NEMP2: variants seen among roughly 807,000 people sequenced by gnomAD.
The protein encoded by NEMP2 is nuclear envelope integral membrane protein 2.
Under a neutral mutation model 54.2 loss-of-function variants are expected in NEMP2, and 53 were observed. The ratio of observed to expected loss-of-function variants is 0.98; its 90% CI spans 0.78 to 1.23. NEMP2 has a LOEUF of 1.23. NEMP2 is among the 50% of genes most tolerant of loss of function. NEMP2 has a pLI of 0.00. For synonymous variants in NEMP2, 197 were observed against 190.3 expected (o/e 1.04, Z -0.29); for missense variants, 455 against 511.3 (o/e 0.89, Z 1.06).
intron 7 of NEMP2, among the ~76,000 whole-genome samples, chr2:190,511,765 A>G (rs749215300): frequency 6.6e-6 from 1 of 151,216 alleles, no homozygotes; most frequent in Non-Finnish European, 1.5e-5. Context: ...CATGTTGGTC[A>G]GGCTGGTCTC....
At position 190,534,543 on chromosome 2, in the gene NEMP2, G is replaced by C; in HGVS notation, c.97+16C>G. 1 of 1,390,748 alleles carries C rather than the reference G, an allele frequency of 7.2e-7. No individual in the cohort carries two copies. The highest frequency in any genetic ancestry group is 9.3e-7 in the Non-Finnish European group (1 of 1,077,580). The allele number at this position is 1,390,748 out of a possible 1,614,324, so 86.2% of individuals were successfully genotyped here. ...GAGCACGCACGCGCGCGCCGCCGCC[G>C]CCGGTCCCGGGTTACCTGATAACGC... On this transcript the variant is annotated intron_variant, in intron 1 of 8. Coordinates refer to ENST00000409150, the MANE Select transcript of NEMP2 (RefSeq NM_001142645.2).
chr2:190,629,622 G>C, the NEMP2 span: 1 of 152,268 alleles, frequency 6.6e-6, no homozygotes, highest in African/African-American at 2.4e-5. Context: ...CTGAAGCCTA[G>C]AGCAGCAGAC....
the NEMP2 span, chr2:190,469,719 C>G: frequency 8.5e-7 from 1 of 1,179,008 alleles, no homozygotes; most frequent in Non-Finnish European, 1.1e-6. The surrounding 1 kb of genome is among the most constrained non-coding windows in gnomAD (Gnocchi z 5.3). Flanking sequence ...TTTTCCTTTG[C>G]TTTTTTTTAT....
chr2:190,590,800 T>C, the NEMP2 span, among the ~76,000 whole-genome samples: 49 of 152,318 alleles, frequency 3.2e-4, no homozygotes, highest in African/African-American at 1.1e-3. This position sits in a 1 kb window ranked among gnomAD's most constrained non-coding sequence, Gnocchi z 5.1. Flanking sequence ...CCTTTTGTCT[T>C]AACCAGATTC....
At chr2:190,597,277 G>T in the NEMP2 span, among the ~76,000 whole-genome samples, 6 of 141,098 alleles carry the variant, frequency 4.3e-5, no homozygotes, top group Non-Finnish European at 7.8e-5. This position sits in a 1 kb window ranked among gnomAD's most constrained non-coding sequence, Gnocchi z 4.7. Context: ...AAAAAAAAAA[G>T]CTTTCTAATT....
At chr2:190,471,526 G>A in the NEMP2 span, among the ~76,000 whole-genome samples, 45 of 152,312 alleles carry the variant, frequency 3.0e-4, no homozygotes, top group Non-Finnish European at 5.6e-4. This position sits in a 1 kb window ranked among gnomAD's most constrained non-coding sequence, Gnocchi z 4.7. Context: ...ACTGCAAGGC[G>A]GCAGTGAGGC....
the NEMP2 span, among the ~76,000 whole-genome samples, chr2:190,473,274 T>G: frequency 6.6e-6 from 1 of 152,294 alleles, no homozygotes; most frequent in South Asian, 2.1e-4. Flanking sequence ...ATGCTCCAAT[T>G]AAAAGACACA....
chr2:190,584,766 C>G, the NEMP2 span, among the ~76,000 whole-genome samples: 1 of 151,986 alleles, frequency 6.6e-6, no homozygotes, highest in African/African-American at 2.4e-5. The surrounding 1 kb of genome is among the most constrained non-coding windows in gnomAD (Gnocchi z 4.2). Flanking sequence ...GTCTCAGCTA[C>G]TTGGGAGGCT....
At chr2:190,497,756 C>A in the NEMP2 span, 1 of 1,579,680 alleles carries the variant, frequency 6.3e-7, no homozygotes, top group South Asian at 1.1e-5. This position sits in a 1 kb window ranked among gnomAD's most constrained non-coding sequence, Gnocchi z 5.2. Context: ...TATTACCTGT[C>A]ACTCAAGATA....
the NEMP2 span, among the ~76,000 whole-genome samples, chr2:190,424,599 G>T: frequency 6.6e-6 from 1 of 152,162 alleles, no homozygotes; most frequent in Non-Finnish European, 1.5e-5. The surrounding 1 kb of genome is among the most constrained non-coding windows in gnomAD (Gnocchi z 5.9). Context: ...CCACCAAAGT[G>T]CTGGGATTAC....
At chr2:190,498,086 A>G in the NEMP2 span, 2 of 182,634 alleles carry the variant, frequency 1.1e-5, no homozygotes, top group South Asian at 2.4e-4. This position sits in a 1 kb window ranked among gnomAD's most constrained non-coding sequence, Gnocchi z 5.9. Context: ...TAGGACCACA[A>G]TAAATATTTG....
At position 190,510,638 on chromosome 2, in the gene NEMP2, T is replaced by C; in HGVS notation, c.954-101A>G. 2.5e-6 allele frequency: 3 copies of C among 1,178,824 alleles called. No individual in the cohort carries two copies. Among genetic ancestry groups the C allele is most frequent in the Non-Finnish European group, 3.6e-6 (3 of 829,456 alleles). The allele number at this position is 1,178,824 out of a possible 1,614,324, so 73.0% of individuals were successfully genotyped here. ...TGGCTCACGCCTGTAATCCAGCATT[T>C]TGGGAGGCCTGGGGAGGCGGATCAC... On this transcript the variant is annotated intron_variant, in intron 7 of 8. Transcript: ENST00000409150. This position sits in a 1 kb window ranked among gnomAD's most constrained non-coding sequence, Gnocchi z 5.7.
the NEMP2 span, among the ~76,000 whole-genome samples, chr2:190,447,575 C>T: frequency 6.6e-6 from 1 of 152,166 alleles, no homozygotes; most frequent in Admixed American, 6.5e-5. The surrounding 1 kb of genome is among the most constrained non-coding windows in gnomAD (Gnocchi z 4.5). Flanking sequence ...TTATATACTT[C>T]TTAGTGCCAC....
rs1690424216 is a variant in NEMP2, at chr2:190,513,040, C to T, written c.953+1413G>A. 6.6e-6 allele frequency among the ~76,000 whole-genome samples: 1 copy of T among 152,080 alleles called. No individual in the cohort carries two copies. The highest frequency in any genetic ancestry group is 6.5e-5 in the Admixed American group (1 of 15,270). ...TTGGTCTCATGGTCCTACCCTAGGC[C>T]CTCATCAGCTCTCGCCTGGACCACT... On this transcript the variant is annotated intron_variant, in intron 7 of 8. Coordinates refer to ENST00000409150, the MANE Select transcript of NEMP2 (RefSeq NM_001142645.2). This position sits in a 1 kb window ranked among gnomAD's most constrained non-coding sequence, Gnocchi z 5.3.
the NEMP2 span, chr2:190,436,600 A>G: frequency 5.6e-6 from 9 of 1,614,210 alleles, no homozygotes; most frequent in Middle Eastern, 1.6e-4. This position sits in a 1 kb window ranked among gnomAD's most constrained non-coding sequence, Gnocchi z 5.3. Flanking sequence ...TTTCCTCACC[A>G]TATCACCAAA....
chr2:190,503,570 T>C (rs1401450171), downstream of NEMP2, among the ~76,000 whole-genome samples: 2 of 152,178 alleles, frequency 1.3e-5, no homozygotes, highest in Non-Finnish European at 2.9e-5. The surrounding 1 kb of genome is among the most constrained non-coding windows in gnomAD (Gnocchi z 6.3). Flanking sequence ...TAAGGTTATG[T>C]TGATTCTATG....
the NEMP2 span, among the ~76,000 whole-genome samples, chr2:190,572,875 A>ATTTTATCTTT: frequency 7.9e-6 from 1 of 126,328 alleles, no homozygotes; most frequent in Non-Finnish European, 1.7e-5. Context: ...ATATATATAT[A>ATTTTATCTTT]TGTATATATT....
At chr2:190,546,075 C>G in the NEMP2 span, among the ~76,000 whole-genome samples, 1 of 152,102 alleles carries the variant, frequency 6.6e-6, no homozygotes, top group Non-Finnish European at 1.5e-5. This position sits in a 1 kb window ranked among gnomAD's most constrained non-coding sequence, Gnocchi z 5.1. Context: ...GTTTCTATAA[C>G]AAAATCACAA....
Position 190,531,388 on chromosome 2 carries a change from G to A in NEMP2, c.97+3171C>T, listed in dbSNP as rs759531110. On this transcript the variant is annotated intron_variant, in intron 1 of 8. Coordinates refer to ENST00000409150, the MANE Select transcript of NEMP2 (RefSeq NM_001142645.2). The surrounding 1 kb of genome is among the most constrained non-coding windows in gnomAD (Gnocchi z 4.7). The stretch of plus-strand genomic sequence containing the variant: ...CAACCCTGAATGCCATCCTTACTAT[G>A]GAAAGACAGGTTTCTAAGCCTGGAA... 3.3e-5 allele frequency among the ~76,000 whole-genome samples: 5 copies of A among 152,160 alleles called. No individual in the cohort carries two copies. The highest frequency in any genetic ancestry group is 7.3e-5 in the Non-Finnish European group (5 of 68,032).
Sources: allele counts gnomAD v4.1 joint callset (sites outside exome capture counted in the v4.1 genomes callset), GRCh38; gene constraint gnomAD v4.1.1; non-coding constraint Gnocchi (gnomAD v3.1); transcripts MANE v1.5; gene names NCBI Gene and HGNC (gene_info 2026-07-23, HGNC 2026-07-21).